The following FAM13A variants were observed in gnomAD, a reference collection of about 807,000 sequenced individuals.
FAM13A encodes protein FAM13A.
In FAM13A, 76 loss-of-function variants were observed where a neutral mutation model predicts 129.6. That is an observed-to-expected ratio of 0.59 (90% CI 0.49 to 0.71). The LOEUF (loss-of-function observed/expected upper bound fraction) is 0.71, where lower values mean the gene tolerates loss of function less well. Ranked by LOEUF, FAM13A falls within the 30% of genes least tolerant of loss-of-function variation. The probability of loss-of-function intolerance (pLI) is 0.00; values close to 1 mark genes in which losing one functional copy is unlikely to be tolerated. For missense variants in FAM13A, 1,108 were observed against 1,249.3 expected (o/e 0.89, Z 1.70); for synonymous variants, 443 against 449.9 (o/e 0.98, Z 0.20).
intron 12 of FAM13A, 140 bp from the exon 13 acceptor site, chr4:88,767,735 C>T (rs1745961519): frequency 1.3e-6 from 1 of 742,800 alleles, no homozygotes; most frequent in Non-Finnish European, 2.1e-6. Context: ...AAAAACAAAA[C>T]ACAAAACAAA....
chr4:88,938,296 C>A, intron 4 of FAM13A, 55 bp from the exon 5 acceptor site: 1 of 1,373,890 alleles, frequency 7.3e-7, no homozygotes, highest in South Asian at 1.4e-5. Context: ...ACAGTGCCTG[C>A]TAGCTGACTC....
intron 6 of FAM13A, among the ~76,000 whole-genome samples, chr4:88,866,622 C>T (rs144077566): frequency 6.6e-6 from 1 of 152,194 alleles, no homozygotes; most frequent in Non-Finnish European, 1.5e-5. Context: ...AAAAAAAAAT[C>T]CTCAATTCCA....
intron 7 of FAM13A, among the ~76,000 whole-genome samples, chr4:88,846,629 C>T (rs1736685377): frequency 1.3e-5 from 2 of 152,186 alleles, no homozygotes; most frequent in African/African-American, 4.8e-5. Context: ...AAGCATATCC[C>T]TCCTCACTCC....
chr4:88,837,437 C>T (rs1005306062), intron 7 of FAM13A, among the ~76,000 whole-genome samples: 11 of 149,966 alleles, frequency 7.3e-5, no homozygotes, highest in Non-Finnish European at 1.5e-4. Flanking sequence ...CAGCCTTTGC[C>T]GGGCACGGTG....
rs1768426775 is a variant in FAM13A, at chr4:89,029,638, T to G, written c.39A>C (p.Ala13=). The stretch of plus-strand genomic sequence containing the variant: ...TCATGTCTTCTTTCAGCCGAACCGC[T>G]GCTTTACTTTGCTTAAAGGAGCGTA... ...AGALAICQSK[A]AVRLKEDMKK... is the part of the protein sequence containing the mutation. Residue 13 remains alanine (A), a synonymous_variant, in exon 2 of 24, where the codon GCA becomes GCC. Transcript: ENST00000264344. 6.3e-7 allele frequency: 1 copy of G among 1,575,216 alleles called. No individual in the cohort carries two copies. Among genetic ancestry groups the G allele is most frequent in the Non-Finnish European group, 8.6e-7 (1 of 1,168,122 alleles).
At chr4:88,746,863 T>C (rs1478551255) in intron 19 of FAM13A, 69 bp downstream of exon 19, 10 of 1,026,866 alleles carry the variant, frequency 9.7e-6, no homozygotes, top group Admixed American at 5.2e-5. Flanking sequence ...TGTAAAATAC[T>C]GAACATAGAA....
chr4:88,914,210 C>T (rs1579252928), intron 5 of FAM13A, among the ~76,000 whole-genome samples: 1 of 152,140 alleles, frequency 6.6e-6, no homozygotes, highest in East Asian at 1.9e-4. Context: ...ACAGTCACCC[C>T]AATCATAACC....
At chr4:88,859,787 G>T (rs952976720) in intron 6 of FAM13A, among the ~76,000 whole-genome samples, 33 of 152,088 alleles carry the variant, frequency 2.2e-4, no homozygotes, top group Admixed American at 1.2e-3. Flanking sequence ...AGAGGGGGCT[G>T]GGATTTTAAG....
chr4:88,855,780 A>G (rs994462303), intron 6 of FAM13A: 12 of 152,210 alleles, frequency 7.9e-5, no homozygotes, highest in African/African-American at 2.9e-4. Flanking sequence ...AATAAAAAAG[A>G]CATTAAAATA....
At chr4:88,959,553 G>A (rs1246752059) in intron 4 of FAM13A, among the ~76,000 whole-genome samples, 1 of 152,170 alleles carries the variant, frequency 6.6e-6, no homozygotes, top group African/African-American at 2.4e-5. Flanking sequence ...ATAATTATAA[G>A]TTTCCTGAGG....
At chr4:89,046,353 C>T (rs912875358) in intron 1 of FAM13A, among the ~76,000 whole-genome samples, 1 of 152,140 alleles carries the variant, frequency 6.6e-6, no homozygotes, top group Non-Finnish European at 1.5e-5. Flanking sequence ...AAAAGAGCTG[C>T]CACGTGGTTC....
chr4:88,931,964 C>T (rs1315825954), intron 5 of FAM13A, among the ~76,000 whole-genome samples: 2 of 152,148 alleles, frequency 1.3e-5, no homozygotes, highest in Non-Finnish European at 2.9e-5. Flanking sequence ...TCTTTTATTT[C>T]CTGTTATAAC....
At chr4:88,733,738 C>T (rs535929462) in intron 21 of FAM13A, among the ~76,000 whole-genome samples, 14 of 152,320 alleles carry the variant, frequency 9.2e-5, no homozygotes, top group African/African-American at 2.6e-4. Context: ...GGCTGTTAAG[C>T]AGTCTAGTAA....
At chr4:89,032,838 G>GT (rs1768884951) in intron 1 of FAM13A, among the ~76,000 whole-genome samples, 1 of 152,130 alleles carries the variant, frequency 6.6e-6, no homozygotes, top group Non-Finnish European at 1.5e-5. Context: ...GGAAAGACAG[G>GT]GCTCAGTCTC....
intron 5 of FAM13A, among the ~76,000 whole-genome samples, chr4:88,927,869 T>A (rs1752453146): frequency 6.6e-6 from 1 of 152,126 alleles, no homozygotes. Flanking sequence ...AGTTCTATTC[T>A]GATCTTTGTT....
At chr4:88,978,377 A>G (rs1474614732) in intron 4 of FAM13A, among the ~76,000 whole-genome samples, 3 of 152,252 alleles carry the variant, frequency 2.0e-5, no homozygotes, top group African/African-American at 7.2e-5. Context: ...ACAGAACTTA[A>G]TAAGTACAAG....
intron 5 of FAM13A, among the ~76,000 whole-genome samples, chr4:88,906,670 G>A (rs1295055740): frequency 6.6e-6 from 1 of 152,180 alleles, no homozygotes; most frequent in Admixed American, 6.5e-5. Context: ...TGGTGATGGA[G>A]TAGGTGAGAG....
chr4:88,810,374 C>A (rs1729444041), intron 7 of FAM13A, among the ~76,000 whole-genome samples: 1 of 152,016 alleles, frequency 6.6e-6, no homozygotes, highest in Non-Finnish European at 1.5e-5. Flanking sequence ...GAAACAGGGT[C>A]TTGACAGAGA....
intron 7 of FAM13A, among the ~76,000 whole-genome samples, chr4:88,830,984 CTT>C (rs58415960): frequency 6.3e-5 from 9 of 143,478 alleles, no homozygotes; most frequent in Admixed American, 1.4e-4. Context: ...CATGTGGATG[CTT>C]TTTTTTTTTT....
Sources: gnomAD v4.1 joint callset for allele counts (sites outside exome capture counted in the v4.1 genomes callset) on GRCh38, gnomAD v4.1.1 for gene constraint, MANE v1.5 for transcripts, NCBI Gene and HGNC (gene_info 2026-07-23, HGNC 2026-07-21) for gene names.